Variants in CCR5AS observed in about 807,000 individuals in gnomAD.
CCR5AS encodes the protein CCR5 antisense RNA.
chr3:46,395,976 C>T (rs983275358), intron 1 of CCR5AS, among the ~76,000 whole-genome samples: 2 of 152,122 alleles, frequency 1.3e-5, no homozygotes, highest in South Asian at 2.1e-4. Flanking sequence ...GCTCTGGAGC[C>T]TCTGTGGAGA....
At chr3:46,371,710 C>T (rs550248476) in intron 2 of CCR5AS, among the ~76,000 whole-genome samples, 78 of 152,212 alleles carry the variant, frequency 5.1e-4, no homozygotes, top group African/African-American at 1.2e-3. Flanking sequence ...TGGTGGCAGA[C>T]GAAACATTTT....
intron 2 of CCR5AS, among the ~76,000 whole-genome samples, chr3:46,386,008 C>A (rs1483887608): frequency 6.6e-6 from 1 of 152,072 alleles, no homozygotes; most frequent in Non-Finnish European, 1.5e-5. Flanking sequence ...GCCTCCCAGG[C>A]TCAAGCAATC....
At chr3:46,395,572 C>T (rs1256246471) in intron 1 of CCR5AS, among the ~76,000 whole-genome samples, 2 of 152,156 alleles carry the variant, frequency 1.3e-5, no homozygotes, top group East Asian at 3.8e-4. Flanking sequence ...AAAAAACATC[C>T]ATGGAACCCT....
intron 2 of CCR5AS, among the ~76,000 whole-genome samples, chr3:46,391,696 G>A (rs565471107): frequency 2.0e-5 from 3 of 152,304 alleles, no homozygotes; most frequent in South Asian, 2.1e-4. Context: ...GGCCGGTGGG[G>A]GAGGGCTAGT....
chr3:46,378,142 A>G (rs910485615), intron 2 of CCR5AS, among the ~76,000 whole-genome samples: 1 of 152,218 alleles, frequency 6.6e-6, no homozygotes, highest in Non-Finnish European at 1.5e-5. Context: ...ACGTGAAAAC[A>G]TTTCGATAGC....
At chr3:46,375,567 G>T (rs141737357) in intron 2 of CCR5AS, 59 of 166,838 alleles carry the variant, frequency 3.5e-4, no homozygotes, top group Non-Finnish European at 6.0e-4. Context: ...ATAGGCAAAG[G>T]GGGGAAGGGA....
At chr3:46,402,595 A>G (rs990874134) in intron 1 of CCR5AS, among the ~76,000 whole-genome samples, 2 of 152,254 alleles carry the variant, frequency 1.3e-5, no homozygotes, top group Admixed American at 6.5e-5. Context: ...AGATGGATTG[A>G]CTAATTGATA....
intron 2 of CCR5AS, chr3:46,373,595 C>A: frequency 1.2e-6 from 2 of 1,613,874 alleles, no homozygotes; most frequent in Non-Finnish European, 8.5e-7. Flanking sequence ...AGAAGAGGCA[C>A]AGGGCTGTGA....
At chr3:46,385,948 T>A (rs1341261782) in intron 2 of CCR5AS, among the ~76,000 whole-genome samples, 4 of 151,972 alleles carry the variant, frequency 2.6e-5, no homozygotes, top group Non-Finnish European at 5.9e-5. Context: ...CACCATATTT[T>A]ATTTTATTTT....
intron 1 of CCR5AS, among the ~76,000 whole-genome samples, chr3:46,395,044 C>T (rs1358518685): frequency 6.6e-6 from 1 of 152,124 alleles, no homozygotes; most frequent in Non-Finnish European, 1.5e-5. Flanking sequence ...TGGCAATGCT[C>T]TCTCCAGAAT....
intron 2 of CCR5AS, among the ~76,000 whole-genome samples, chr3:46,381,064 G>C (rs1559571318): frequency 6.6e-6 from 1 of 152,130 alleles, no homozygotes; most frequent in Non-Finnish European, 1.5e-5. Context: ...TGTATTTGAG[G>C]CTCCAAGTAT....
At chr3:46,382,469 C>G (rs146466334) in intron 2 of CCR5AS, among the ~76,000 whole-genome samples, 1 of 152,228 alleles carries the variant, frequency 6.6e-6, no homozygotes, top group African/African-American at 2.4e-5. Flanking sequence ...CGCTCTTAAA[C>G]TCACTGCTCA....
chr3:46,369,470 A>G (rs1701633492), intron 3 of CCR5AS, among the ~76,000 whole-genome samples: 1 of 152,024 alleles, frequency 6.6e-6, no homozygotes, highest in African/African-American at 2.4e-5. Context: ...TCGCTGGGCT[A>G]TTTCTATACT....
chr3:46,368,018 T>C (rs1310079724), intron 3 of CCR5AS, among the ~76,000 whole-genome samples: 1 of 152,212 alleles, frequency 6.6e-6, no homozygotes, highest in Non-Finnish European at 1.5e-5. Context: ...ACTGTGCTCA[T>C]GTAGTTGGCC....
intron 2 of CCR5AS, among the ~76,000 whole-genome samples, chr3:46,389,497 G>A (rs113456258): frequency 4.6e-5 from 7 of 152,270 alleles, no homozygotes; most frequent in Non-Finnish European, 8.8e-5. Flanking sequence ...GCAGCCTGGC[G>A]AATTTCCTGT....
chr3:46,403,340 T>C (rs566063258), intron 1 of CCR5AS, among the ~76,000 whole-genome samples: 2 of 152,376 alleles, frequency 1.3e-5, no homozygotes, highest in South Asian at 2.1e-4. Context: ...GGCATCATCC[T>C]AGCATTTCCC....
At chr3:46,403,826 CGTG>C (rs1464733559) in intron 1 of CCR5AS, among the ~76,000 whole-genome samples, 4 of 152,214 alleles carry the variant, frequency 2.6e-5, no homozygotes, top group Non-Finnish European at 5.9e-5. Context: ...AAGCCACTGT[CGTG>C]GTGTCGGCAA....
chr3:46,373,926 T>A (rs754955483), intron 2 of CCR5AS: 2 of 1,585,732 alleles, frequency 1.3e-6, no homozygotes, highest in East Asian at 2.2e-5. Context: ...TTACACCCGA[T>A]CCACTGGGGA....
intron 2 of CCR5AS, among the ~76,000 whole-genome samples, chr3:46,384,855 TGATAGATAGATAGATAGATAGATA>T (rs72247341): frequency 2.9e-3 from 418 of 144,152 alleles, no homozygotes; most frequent in Admixed American, 5.2e-3. Context: ...GGTACATAGA[TGATAGATAGATAGATAGATAGATA>T]GATAGATAGA....
Sources: gnomAD v4.1 joint callset for allele counts (sites outside exome capture counted in the v4.1 genomes callset) on GRCh38, gnomAD v4.1.1 for gene constraint, MANE v1.5 for transcripts, NCBI Gene and HGNC (gene_info 2026-07-23, HGNC 2026-07-21) for gene names.